Variants in KCNMB2 observed in about 807,000 individuals in gnomAD.
KCNMB2 encodes the protein potassium calcium-activated channel subfamily M regulatory beta subunit 2, also known as calcium-activated potassium channel subunit beta-2.
A neutral mutation model predicts 24.5 loss-of-function variants in KCNMB2; 9 were observed. The observed-to-expected ratio is 0.37, with a 90% CI of 0.22 to 0.64. The LOEUF is 0.64. KCNMB2 is among the 30% of genes least tolerant of loss of function. The pLI is 0.63. For synonymous variants in KCNMB2, 109 were observed against 104.4 expected (o/e 1.04, Z -0.27); for missense variants, 226 against 284.3 (o/e 0.79, Z 1.47).
At chr3:178,694,510 A>G (rs1282388864) in intron 1 of KCNMB2, among the ~76,000 whole-genome samples, 1 of 152,234 alleles carries the variant, frequency 6.6e-6, no homozygotes, top group Non-Finnish European at 1.5e-5. Flanking sequence ...TCCCTTCTGT[A>G]TATGAGCCTG....
rs542188906 is a variant in KCNMB2 at position 178,839,689 on chromosome 3, G to A, written c.424-2964G>A. Among the ~76,000 whole-genome samples, 3 of 152,224 alleles carry A rather than the reference G, an allele frequency of 2.0e-5. No homozygotes were observed. In the South Asian group the frequency reaches 6.2e-4, roughly 32 times the overall value. On this transcript the variant is annotated intron_variant, in intron 4 of 4. Transcript: ENST00000452583. ...AGGAGAGACAGCATGAGGGCCAGGG[G>A]GCTGCCAGACACTTTTAAACCATCA...
In KCNMB2 at chr3:178,760,060, C is replaced by A. The variant is rs867257342; in HGVS notation, c.-67-47283C>A. 1.8e-3 allele frequency among the ~76,000 whole-genome samples: 21 copies of A among 11,962 alleles called. 1 individual carries two copies. The highest frequency in any genetic ancestry group is 7.9e-3 in the East Asian group (7 of 888). 7.8% of individuals were successfully genotyped at this position (11,962 alleles called of 152,430 possible). On this transcript the variant is annotated intron_variant, in intron 1 of 4. Transcript: ENST00000452583. ...TATATATATATCCAAGAGGATATATCTATATATATATATATAGCCAAGAGG... is the reference window on the plus strand; with the variant it reads ...TATATATATATCCAAGAGGATATATATATATATATATATATAGCCAAGAGG...
intron 1 of KCNMB2, among the ~76,000 whole-genome samples, chr3:178,644,651 T>C (rs1178321236): frequency 6.6e-6 from 1 of 152,198 alleles, no homozygotes; most frequent in Non-Finnish European, 1.5e-5. Flanking sequence ...ATCGTCAGCT[T>C]CTCCTCTTAG....
chr3:178,661,574 C>T (rs1307964332), intron 1 of KCNMB2, among the ~76,000 whole-genome samples: 1 of 152,110 alleles, frequency 6.6e-6, no homozygotes, highest in Non-Finnish European at 1.5e-5. Flanking sequence ...TGGCTGTGTT[C>T]CAGTAAAACT....
intron 1 of KCNMB2, among the ~76,000 whole-genome samples, chr3:178,550,810 C>A (rs867762416): frequency 2.0e-5 from 3 of 152,076 alleles, no homozygotes; most frequent in South Asian, 2.1e-4. Context: ...ACCGGCCACA[C>A]AAGGGCTTTT....
intron 1 of KCNMB2, among the ~76,000 whole-genome samples, chr3:178,672,884 T>C (rs1466833380): frequency 6.6e-6 from 1 of 152,152 alleles, no homozygotes; most frequent in Non-Finnish European, 1.5e-5. Context: ...CCTCCAGGCT[T>C]GTCCTCCAAA....
At chr3:178,732,980 A>G (rs1428640105) in intron 1 of KCNMB2, among the ~76,000 whole-genome samples, 1 of 152,230 alleles carries the variant, frequency 6.6e-6, no homozygotes, top group Non-Finnish European at 1.5e-5. Context: ...ATAAACAGCA[A>G]AAGACAGGCC....
chr3:178,647,911 A>G (rs1719972990), intron 1 of KCNMB2, among the ~76,000 whole-genome samples: 1 of 152,182 alleles, frequency 6.6e-6, no homozygotes, highest in Non-Finnish European at 1.5e-5. Context: ...GATGGTTATT[A>G]CTTTCAAACA....
At chr3:178,656,059 T>C (rs774534993) in intron 1 of KCNMB2, among the ~76,000 whole-genome samples, 21 of 152,184 alleles carry the variant, frequency 1.4e-4, no homozygotes, top group Non-Finnish European at 8.8e-5. Context: ...TGGCAACAAT[T>C]GTCTCATAAC....
intron 2 of KCNMB2, among the ~76,000 whole-genome samples, chr3:178,815,779 A>G (rs575403224): frequency 1.3e-5 from 2 of 152,168 alleles, no homozygotes; most frequent in Admixed American, 1.3e-4. Context: ...TACATTTATT[A>G]CATTATTATA....
chr3:178,792,471 T>C (rs951634876), intron 1 of KCNMB2, among the ~76,000 whole-genome samples: 5 of 151,638 alleles, frequency 3.3e-5, no homozygotes, highest in Non-Finnish European at 7.4e-5. Context: ...AAAATTACCT[T>C]CACAAAAATG....
intron 1 of KCNMB2, among the ~76,000 whole-genome samples, chr3:178,684,708 G>T (rs1416203367): frequency 6.6e-6 from 1 of 152,054 alleles, no homozygotes; most frequent in Non-Finnish European, 1.5e-5. Context: ...GTGCATGCCT[G>T]TAATCCCAAC....
At chr3:178,727,066 G>C (rs908643878) in intron 1 of KCNMB2, among the ~76,000 whole-genome samples, 1 of 152,062 alleles carries the variant, frequency 6.6e-6, no homozygotes, top group African/African-American at 2.4e-5. Flanking sequence ...ATTAGAATAA[G>C]TAAGCTAATA....
intron 1 of KCNMB2, among the ~76,000 whole-genome samples, chr3:178,690,365 G>C (rs13092965): frequency 0.33 from 49,852 of 151,616 alleles, 8,897 homozygotes; most frequent in African/African-American, 0.47. Context: ...ACAAAGGTTA[G>C]ATATGCTAAA....
chr3:178,780,435 T>C (rs1033116848), intron 1 of KCNMB2, among the ~76,000 whole-genome samples: 1 of 152,222 alleles, frequency 6.6e-6, no homozygotes, highest in Admixed American at 6.5e-5. Flanking sequence ...CAAGGAGGGA[T>C]TGAAAGTTCC....
At chr3:178,819,348 G>A (rs1213248746) in intron 2 of KCNMB2, among the ~76,000 whole-genome samples, 2 of 152,154 alleles carry the variant, frequency 1.3e-5, no homozygotes, top group African/African-American at 2.4e-5. Context: ...TAAATGGAAT[G>A]AAAACATTTA....
chr3:178,671,775 T>C (rs1223128488), intron 1 of KCNMB2, among the ~76,000 whole-genome samples: 1 of 151,988 alleles, frequency 6.6e-6, no homozygotes, highest in Admixed American at 6.6e-5. Flanking sequence ...GAAACAGTAG[T>C]TTTTGTGCTT....
chr3:178,814,379 T>A (rs1047586378), intron 2 of KCNMB2, among the ~76,000 whole-genome samples: 31 of 152,188 alleles, frequency 2.0e-4, no homozygotes, highest in Non-Finnish European at 4.3e-4. Flanking sequence ...GATGAACACT[T>A]AGGTTGATTC....
intron 1 of KCNMB2, among the ~76,000 whole-genome samples, chr3:178,656,013 C>T (rs1720329958): frequency 1.3e-5 from 2 of 152,208 alleles, no homozygotes; most frequent in South Asian, 4.2e-4. Flanking sequence ...GCCTTTTCTC[C>T]TTTAGTAAAA....
Sources: gnomAD v4.1 joint callset for allele counts (sites outside exome capture counted in the v4.1 genomes callset) on GRCh38, gnomAD v4.1.1 for gene constraint, MANE v1.5 for transcripts, NCBI Gene and HGNC (gene_info 2026-07-23, HGNC 2026-07-21) for gene names.